CACNA2D3: variants seen among roughly 807,000 people sequenced by gnomAD.
CACNA2D3 encodes the protein calcium voltage-gated channel auxiliary subunit alpha2delta 3, also known as voltage-dependent calcium channel subunit alpha-2/delta-3.
In CACNA2D3, 60 loss-of-function variants were observed where a neutral mutation model predicts 160.6. The ratio of observed to expected loss-of-function variants is 0.37; its 90% CI spans 0.30 to 0.46. CACNA2D3 has a LOEUF of 0.46. Ranked by LOEUF, CACNA2D3 falls within the 20% of genes least tolerant of loss-of-function variation. The pLI is 1.00. For synonymous variants in CACNA2D3, 558 were observed against 492.9 expected (o/e 1.13, Z -1.75); for missense variants, 1,205 against 1,365.0 (o/e 0.88, Z 1.85).
intron 11 of CACNA2D3, among the ~76,000 whole-genome samples, chr3:54,738,175 C>T (rs1196426248): frequency 6.6e-6 from 1 of 152,176 alleles, no homozygotes; most frequent in East Asian, 1.9e-4. Context: ...CCATGTTGTT[C>T]ACTAGGACCA....
intron 29 of CACNA2D3, among the ~76,000 whole-genome samples, chr3:54,978,541 T>G (rs1459963710): frequency 6.6e-6 from 1 of 152,188 alleles, no homozygotes; most frequent in African/African-American, 2.4e-5. Context: ...AAGAAAACAT[T>G]TAGTAAGCTT....
At chr3:54,726,958 A>G (rs759658965) in intron 11 of CACNA2D3, among the ~76,000 whole-genome samples, 3 of 152,320 alleles carry the variant, frequency 2.0e-5, no homozygotes, top group African/African-American at 7.2e-5. Context: ...AAAAGAAACT[A>G]TCGTCAGAGT....
intron 11 of CACNA2D3, among the ~76,000 whole-genome samples, chr3:54,687,127 T>TTTC (rs1559549384): frequency 3.6e-5 from 2 of 55,966 alleles, no homozygotes; most frequent in Non-Finnish European, 7.1e-5. Context: ...TTTTCTTTTT[T>TTTC]TTTTTTTGTT....
intron 11 of CACNA2D3, among the ~76,000 whole-genome samples, chr3:54,657,014 G>A (rs1314049670): frequency 6.6e-6 from 1 of 151,952 alleles, no homozygotes; most frequent in Non-Finnish European, 1.5e-5. Context: ...AAGGGAGATA[G>A]GGGTGGGGCT....
rs74618557 is a variant in CACNA2D3, at chr3:54,586,327, T to G, written c.963+4450T>G. On this transcript the variant is annotated intron_variant, in intron 9 of 37. Coordinates refer to ENST00000474759, the MANE Select transcript of CACNA2D3 (RefSeq NM_018398.3). ...GACAGATATGTTGAAAGTAAAAAAA[T>G]CAGAAAAATATGTACCATGCTAACA... 8.1e-3 allele frequency among the ~76,000 whole-genome samples: 1,160 copies of G among 143,716 alleles called. 18 individuals carry two copies. Among genetic ancestry groups the G allele is most frequent in the African/African-American group, 0.028 (1,103 of 38,868 alleles). The allele number at this position is 143,716 out of a possible 152,430, so 94.3% of individuals were successfully genotyped here.
At chr3:54,358,578 T>A (rs188458406) in intron 3 of CACNA2D3, among the ~76,000 whole-genome samples, 1 of 152,304 alleles carries the variant, frequency 6.6e-6, no homozygotes, top group Non-Finnish European at 1.5e-5. Flanking sequence ...TCAAGGCCCT[T>A]GAGCAATCTC....
At chr3:54,304,995 C>T (rs1703565930) in intron 2 of CACNA2D3, among the ~76,000 whole-genome samples, 1 of 152,052 alleles carries the variant, frequency 6.6e-6, no homozygotes, top group Non-Finnish European at 1.5e-5. Context: ...ATTTCATGAG[C>T]AGATTTCTGT....
chr3:54,176,125 C>A (rs531628682), intron 2 of CACNA2D3, among the ~76,000 whole-genome samples: 1 of 152,322 alleles, frequency 6.6e-6, no homozygotes, highest in Non-Finnish European at 1.5e-5. Flanking sequence ...GCACAAAGCA[C>A]TGTATTTTGG....
At chr3:54,514,383 T>C (rs1467683660) in intron 5 of CACNA2D3, among the ~76,000 whole-genome samples, 2 of 152,202 alleles carry the variant, frequency 1.3e-5, no homozygotes, top group East Asian at 3.9e-4. Context: ...AGTGAATTCC[T>C]CCACTATAGC....
intron 5 of CACNA2D3, among the ~76,000 whole-genome samples, chr3:54,543,293 A>G (rs998248876): frequency 2.0e-5 from 3 of 152,246 alleles, no homozygotes; most frequent in African/African-American, 7.2e-5. Flanking sequence ...AGTACAAACA[A>G]AATGTCTTTC....
intron 34 of CACNA2D3, among the ~76,000 whole-genome samples, chr3:55,010,533 C>G (rs967448076): frequency 6.6e-6 from 1 of 152,180 alleles, no homozygotes; most frequent in Non-Finnish European, 1.5e-5. Context: ...CCCAGGCCTG[C>G]CCACTCATGT....
chr3:54,279,608 C>G (rs1254302739), intron 2 of CACNA2D3, among the ~76,000 whole-genome samples: 1 of 152,222 alleles, frequency 6.6e-6, no homozygotes, highest in Non-Finnish European at 1.5e-5. Flanking sequence ...CTTTCCATCT[C>G]TGTCCCCCTG....
At position 54,122,601 on chromosome 3, in the gene CACNA2D3, G is replaced by C; in HGVS notation, c.-113G>C. ...AGCCGGGCGCGCGAGAGGCAGGCGG[G>C]GCGGCGCGGAGCGGAGCAGGCAGCC... On this transcript the variant is annotated 5_prime_UTR_variant, in exon 1 of 38. Transcript: ENST00000474759. The C allele has an allele frequency of 1.7e-6, 1 of 604,382 alleles. No homozygotes were observed. Among genetic ancestry groups the C allele is most frequent in the Non-Finnish European group, 2.1e-6 (1 of 485,264 alleles). 37.4% of individuals were successfully genotyped at this position (604,382 alleles called of 1,614,324 possible). A position where few individuals can be genotyped will look rare whatever the true frequency, so the allele number is the denominator to read the frequency against.
At chr3:54,659,604 G>A (rs58782273) in intron 11 of CACNA2D3, among the ~76,000 whole-genome samples, 2,031 of 152,234 alleles carry the variant, frequency 0.013, 49 homozygotes, top group African/African-American at 0.047. Flanking sequence ...CCTGGGGAGT[G>A]TTGCCAAGAA....
intron 13 of CACNA2D3, among the ~76,000 whole-genome samples, chr3:54,770,857 G>T (rs755623107): frequency 3.9e-5 from 6 of 152,130 alleles, no homozygotes; most frequent in Non-Finnish European, 8.8e-5. Context: ...CATTGTTTCT[G>T]TGAATCTGTA....
chr3:54,945,755 T>G (rs1559640525), intron 27 of CACNA2D3, among the ~76,000 whole-genome samples: 1 of 152,158 alleles, frequency 6.6e-6, no homozygotes, highest in Non-Finnish European at 1.5e-5. Context: ...TTTTCAAGAT[T>G]ATAGGTGTCC....
intron 35 of CACNA2D3, among the ~76,000 whole-genome samples, chr3:55,062,645 A>G (rs1012187571): frequency 6.6e-6 from 1 of 152,144 alleles, no homozygotes; most frequent in African/African-American, 2.4e-5. Context: ...ACTGCCACCA[A>G]CCTGTAGAAT....
At chr3:54,993,871 T>A in intron 31 of CACNA2D3, among the ~76,000 whole-genome samples, 1 of 141,742 alleles carries the variant, frequency 7.1e-6, no homozygotes, top group Non-Finnish European at 1.5e-5. Context: ...TTTTTTTTTT[T>A]GGTTGCAACT....
At chr3:54,734,217 A>G (rs941243509) in intron 11 of CACNA2D3, among the ~76,000 whole-genome samples, 8 of 152,202 alleles carry the variant, frequency 5.3e-5, no homozygotes, top group African/African-American at 1.9e-4. Flanking sequence ...GCTGATACCT[A>G]AACTGTTGCA....
Sources: allele counts gnomAD v4.1 joint callset (sites outside exome capture counted in the v4.1 genomes callset), GRCh38; gene constraint gnomAD v4.1.1; transcripts MANE v1.5; gene names NCBI Gene and HGNC (gene_info 2026-07-23, HGNC 2026-07-21).